The following ADK variants were observed in gnomAD, a reference collection of about 807,000 sequenced individuals.
ADK encodes N6,N6-dimethyladenosine kinase.
Under a neutral mutation model 44.7 loss-of-function variants are expected in ADK, and 24 were observed. That is an observed-to-expected ratio of 0.54 (90% CI 0.39 to 0.76). The LOEUF is 0.76. Among genes scored for constraint, ADK ranks in the 30% least tolerant of loss-of-function variants. The pLI is 0.00. For missense variants in ADK, 321 were observed against 425.1 expected, an observed-to-expected ratio of 0.76 and a Z score of 2.15; for synonymous variants, 128 against 142.6, an observed-to-expected ratio of 0.90 and a Z score of 0.73.
chr10:74,383,724 T>A lies in ADK; in HGVS notation c.274-10417T>A, dbSNP rs189238331. On this transcript the variant is annotated intron_variant, in intron 4 of 10. Transcript: ENST00000539909. ...GGAAAGGCAATAGGACAAAAAGGGGTATGAACTAAGAGTAGTAAACTGAGG... is the reference window on the plus strand; with the variant it reads ...GGAAAGGCAATAGGACAAAAAGGGGAATGAACTAAGAGTAGTAAACTGAGG... 1.4e-3 allele frequency among the ~76,000 whole-genome samples: 208 copies of A among 151,832 alleles called. 1 individual carries two copies. Among genetic ancestry groups the A allele is most frequent in the Non-Finnish European group, 2.6e-3 (177 of 67,938 alleles).
At chr10:74,653,700 G>T (rs1453107129) in intron 9 of ADK, among the ~76,000 whole-genome samples, 1 of 152,174 alleles carries the variant, frequency 6.6e-6, no homozygotes, top group Non-Finnish European at 1.5e-5. Flanking sequence ...AATGACTTCT[G>T]CTTAAATTGG....
intron 3 of ADK, among the ~76,000 whole-genome samples, chr10:74,234,697 A>G (rs903553689): frequency 6.6e-6 from 1 of 152,172 alleles, no homozygotes; most frequent in Non-Finnish European, 1.5e-5. Context: ...GTAATCTGAT[A>G]TTTCCAACAG....
intron 10 of ADK, among the ~76,000 whole-genome samples, chr10:74,696,532 AT>A (rs892158714): frequency 5.0e-4 from 70 of 140,988 alleles, no homozygotes; most frequent in Middle Eastern, 3.6e-3. Flanking sequence ...CCCCCAGCTA[AT>A]TTTTTTTTTT....
At chr10:74,548,594 G>A (rs1444542793) in intron 7 of ADK, among the ~76,000 whole-genome samples, 1 of 152,204 alleles carries the variant, frequency 6.6e-6, no homozygotes, top group East Asian at 1.9e-4. Flanking sequence ...AGTGGTTTGA[G>A]TATTCGGGAA....
intron 7 of ADK, among the ~76,000 whole-genome samples, chr10:74,535,925 T>C (rs1357673284): frequency 6.6e-6 from 1 of 152,098 alleles, no homozygotes; most frequent in Non-Finnish European, 1.5e-5. Context: ...TGTATCTTTA[T>C]ATATTAAAAT....
intron 7 of ADK, among the ~76,000 whole-genome samples, chr10:74,550,218 C>G (rs1033856181): frequency 1.3e-5 from 2 of 151,842 alleles, no homozygotes; most frequent in Admixed American, 6.6e-5. Context: ...TCACAGGCAT[C>G]CACCACCATG....
chr10:74,554,907 A>G (rs991178172), intron 7 of ADK, among the ~76,000 whole-genome samples: 14 of 152,370 alleles, frequency 9.2e-5, no homozygotes, highest in African/African-American at 3.4e-4. Flanking sequence ...ATATATAACC[A>G]TACTGTAATA....
intron 4 of ADK, among the ~76,000 whole-genome samples, chr10:74,329,956 G>A (rs1434290975): frequency 2.0e-5 from 3 of 151,804 alleles, no homozygotes; most frequent in African/African-American, 7.3e-5. Flanking sequence ...GAGCTCAGGA[G>A]TTCAAGACCA....
chr10:74,276,600 GATGCTGGGAGGATAGTGT>G (rs1207955559), intron 3 of ADK, among the ~76,000 whole-genome samples: 1 of 152,238 alleles, frequency 6.6e-6, no homozygotes, highest in African/African-American at 2.4e-5. Context: ...CAGAAATCAA[GATGCTGGGAGGATAGTGT>G]ATGTTCCTTT....
intron 9 of ADK, among the ~76,000 whole-genome samples, chr10:74,605,462 G>T (rs1483587179): frequency 6.6e-6 from 1 of 152,132 alleles, no homozygotes; most frequent in Non-Finnish European, 1.5e-5. Context: ...ACGGAGTGTT[G>T]AATTTTATCG....
At chr10:74,493,450 C>A (rs1306220326) in intron 6 of ADK, among the ~76,000 whole-genome samples, 1 of 149,192 alleles carries the variant, frequency 6.7e-6, no homozygotes. Flanking sequence ...ATATATATAT[C>A]TCATCTATAT....
intron 4 of ADK, among the ~76,000 whole-genome samples, chr10:74,368,064 G>A (rs1842548460): frequency 1.3e-5 from 2 of 152,118 alleles, no homozygotes; most frequent in African/African-American, 2.4e-5. Flanking sequence ...ATTATGTATT[G>A]GCATTGGTTG....
At chr10:74,318,401 A>G (rs931103051) in intron 4 of ADK, among the ~76,000 whole-genome samples, 6 of 152,098 alleles carry the variant, frequency 3.9e-5, no homozygotes, top group Non-Finnish European at 7.4e-5. Flanking sequence ...GCCTCAAGTG[A>G]TTCTCCTGTG....
At chr10:74,576,594 GGTGACCC>G (rs1313627050) in intron 7 of ADK, among the ~76,000 whole-genome samples, 2 of 152,086 alleles carry the variant, frequency 1.3e-5, no homozygotes, top group Non-Finnish European at 2.9e-5. Flanking sequence ...GACTGAGGTT[GGTGACCC>G]GTGAGAAAAG....
intron 3 of ADK, among the ~76,000 whole-genome samples, chr10:74,233,844 C>A (rs370944342): frequency 3.3e-5 from 5 of 152,282 alleles, no homozygotes; most frequent in South Asian, 4.2e-4. Context: ...GGATAATGAT[C>A]TTTCCTGTCA....
At chr10:74,293,099 G>C (rs1225037671) in intron 3 of ADK, among the ~76,000 whole-genome samples, 1 of 143,754 alleles carries the variant, frequency 7.0e-6, no homozygotes, top group African/African-American at 2.6e-5. Context: ...CTGGAAGGTT[G>C]AGGCTGCAGT....
At chr10:74,174,943 G>A (rs1410339528) in intron 1 of ADK, among the ~76,000 whole-genome samples, 3 of 152,186 alleles carry the variant, frequency 2.0e-5, no homozygotes, top group African/African-American at 7.2e-5. Context: ...AAACAGATTT[G>A]TATAAACTGG....
At chr10:74,354,196 G>A (rs1245735384) in intron 4 of ADK, among the ~76,000 whole-genome samples, 2 of 152,190 alleles carry the variant, frequency 1.3e-5, no homozygotes, top group Non-Finnish European at 2.9e-5. Context: ...TCTTGAGCAT[G>A]TGGAATTAGT....
chr10:74,694,135 T>A (rs2134275141), intron 10 of ADK, among the ~76,000 whole-genome samples: 1 of 145,668 alleles, frequency 6.9e-6, no homozygotes, highest in East Asian at 2.0e-4. Context: ...AAACTTAACT[T>A]TTTTCAAACA....
Sources: gnomAD v4.1 joint callset for allele counts (sites outside exome capture counted in the v4.1 genomes callset) on GRCh38, gnomAD v4.1.1 for gene constraint, MANE v1.5 for transcripts, NCBI Gene and HGNC (gene_info 2026-07-23, HGNC 2026-07-21) for gene names.